SDHA: variants seen among roughly 807,000 people sequenced by gnomAD.
SDHA encodes the protein succinate dehydrogenase complex flavoprotein subunit A.
Under a neutral mutation model 78.4 loss-of-function variants are expected in SDHA, and 48 were observed. The observed-to-expected ratio is 0.61, with a 90% confidence interval of 0.49 to 0.78. SDHA has a LOEUF of 0.78. Among genes scored for constraint, SDHA ranks in the 30% least tolerant of loss-of-function variants. SDHA has a pLI of 0.00. For missense variants in SDHA, 680 were observed against 892.7 expected (o/e 0.76, Z 3.04); for synonymous variants, 326 against 353.9 (o/e 0.92, Z 0.88).
intron 14 of SDHA, among the ~76,000 whole-genome samples, chr5:255,796 T>A (rs922214465): frequency 6.6e-5 from 10 of 152,200 alleles, no homozygotes; most frequent in African/African-American, 2.2e-4. Context: ...AAATAAGAGC[T>A]CACTAACCAG....
intron 10 of SDHA, among the ~76,000 whole-genome samples, chr5:240,116 T>A (rs1736048129): frequency 6.6e-6 from 1 of 152,202 alleles, no homozygotes; most frequent in South Asian, 2.1e-4. Flanking sequence ...TTATTCACTC[T>A]AAGATCACTT....
At chr5:227,534 C>T (rs1342355071) in intron 5 of SDHA, 3 of 159,994 alleles carry the variant, frequency 1.9e-5, no homozygotes, top group Non-Finnish European at 4.1e-5. Context: ...AGTGCATCGA[C>T]AAGTGTGTGG....
downstream of SDHA, among the ~76,000 whole-genome samples, chr5:257,288 G>A (rs1737263048): frequency 6.6e-6 from 1 of 152,166 alleles, no homozygotes; most frequent in Admixed American, 6.5e-5. Flanking sequence ...CCGCACAGTA[G>A]GAGGTGAGCA....
chr5:251,601 C>G (rs765511736), intron 13 of SDHA, 133 bp downstream of exon 13: 37 of 1,550,242 alleles, frequency 2.4e-5, no homozygotes, highest in Non-Finnish European at 3.0e-5. Context: ...CTTTTTCCCC[C>G]CTGGTAACTT....
Position 235,252 on chromosome 5 carries a change from T to C in SDHA, c.1173T>C (p.Ala391=), listed in dbSNP as rs1579406627. 3 of 1,614,078 alleles carry C rather than the reference T, an allele frequency of 1.9e-6. No homozygotes were observed. Among genetic ancestry groups the C allele is most frequent in the South Asian group, 1.1e-5 (1 of 91,084 alleles). ...PGISETAMIF[A]GVDVTKEPIP... Reference sequence around the variant, plus strand: ...TTTCAGAGACAGCCATGATCTTCGCTGGCGTGGACGTCACGAAGGAGCCGA... The same window carrying C: ...TTTCAGAGACAGCCATGATCTTCGCCGGCGTGGACGTCACGAAGGAGCCGA... The change falls in exon 9 of 15, where the codon GCT becomes GCC. Residue 391 remains alanine (A), a synonymous_variant. Transcript: ENST00000264932.
chr5:230,931 G>A lies in SDHA; in HGVS notation c.826G>A (p.Gly276Ser), dbSNP rs751008647. The A allele has an allele frequency of 1.2e-5, 19 of 1,613,974 alleles. No homozygotes were observed. The highest frequency in any genetic ancestry group is 4.0e-5 in the African/African-American group (3 of 74,926). ...CTSAHTSTGD[G>S]TAMITRAGLP... The stretch of plus-strand genomic sequence containing the variant: ...GTCTGCCCACACCAGCACTGGCGAC[G>A]GCACGGCCATGATCACCAGGGCAGG... Residue 276 changes from glycine (G) to serine (S), a missense_variant, in exon 7 of 15, where the codon GGC (glycine) becomes AGC (serine). Coordinates refer to ENST00000264932, the MANE Select transcript of SDHA (RefSeq NM_004168.4).
chr5:254,646 A>C lies in SDHA; in HGVS notation c.1908+140A>C, dbSNP rs1579445749. Reference sequence around the variant, plus strand: ...CCCGACAGATTCGAGGCACCGCTGAAAAAGGCACTCCGACAGCAGTCGGGC... The same window carrying C: ...CCCGACAGATTCGAGGCACCGCTGACAAAGGCACTCCGACAGCAGTCGGGC... On this transcript the variant is annotated intron_variant, in intron 14 of 14. Coordinates refer to ENST00000264932, the MANE Select transcript of SDHA (RefSeq NM_004168.4). 3.6e-6 allele frequency: 5 copies of C among 1,391,790 alleles called. 1 individual carries two copies. In the Admixed American group the frequency reaches 1.0e-4, roughly 28 times the overall value. 86.2% of individuals were successfully genotyped at this position (1,391,790 alleles called of 1,614,324 possible). A position where few individuals can be genotyped will look rare whatever the true frequency, so the allele number is the denominator to read the frequency against.
intron 11 of SDHA, among the ~76,000 whole-genome samples, chr5:245,447 G>C (rs1191151055): frequency 6.6e-6 from 1 of 152,198 alleles, no homozygotes; most frequent in Non-Finnish European, 1.5e-5. Context: ...AAAGTGTTGC[G>C]ACAAGGCATG....
At chr5:242,641 C>G (rs1216743648) in intron 11 of SDHA, among the ~76,000 whole-genome samples, 1 of 152,130 alleles carries the variant, frequency 6.6e-6, no homozygotes, top group Admixed American at 6.5e-5. Context: ...CATGACCGAG[C>G]TGGTCTCGGC....
intron 6 of SDHA, 123 bp from the exon 7 acceptor site, chr5:230,753 G>A: frequency 7.7e-7 from 1 of 1,306,104 alleles, no homozygotes; most frequent in Non-Finnish European, 1.1e-6. Flanking sequence ...TGAGTAGGGG[G>A]TTGTGTGTGC....
At chr5:262,444 C>T in the SDHA span, among the ~76,000 whole-genome samples, 7 of 152,110 alleles carry the variant, frequency 4.6e-5, no homozygotes, top group Non-Finnish European at 1.0e-4. Flanking sequence ...GCTCCGCCTC[C>T]TGCCAGATCA....
intron 11 of SDHA, among the ~76,000 whole-genome samples, chr5:248,722 G>A (rs564595331): frequency 4.6e-5 from 7 of 152,262 alleles, no homozygotes; most frequent in East Asian, 1.9e-4. Context: ...TGCTGGCAAC[G>A]ATTCCTATGG....
chr5:252,966 A>G (rs913236968), intron 13 of SDHA: 2 of 152,614 alleles, frequency 1.3e-5, no homozygotes, highest in African/African-American at 4.8e-5. Context: ...GGAGTAAGCC[A>G]CCATTTCAGA....
rs777306884 is a variant in SDHA, at chr5:235,321, C to T, written c.1242C>T (p.Pro414=). The T allele has an allele frequency of 4.6e-5, 74 of 1,614,102 alleles. No homozygotes were observed. The highest frequency in any genetic ancestry group is 6.1e-5 in the Non-Finnish European group (72 of 1,180,040). The change falls in exon 9 of 15, where the codon CCC becomes CCT. Residue 414 remains proline, a synonymous_variant. Transcript: ENST00000264932. ...PTVHYNMGGI[P]TNYKGQVLRH... Reference sequence around the variant, plus strand: ...TGCATTATAACATGGGCGGCATTCCCACCAACTACAAGGGGCAGGTGATGG... The same window carrying T: ...TGCATTATAACATGGGCGGCATTCCTACCAACTACAAGGGGCAGGTGATGG...
rs80207011 is a variant in SDHA at position 223,564 on chromosome 5, A to G, written c.146A>G (p.Asp49Gly). Residue 49 changes from aspartate to glycine, a missense_variant, in exon 2 of 15, where the codon GAT becomes GGT. Transcript: ENST00000264932. ...GNKRASAKVS[D>G]SISAQYPVVD... ...AAGAGGGCATCTGCTAAAGTTTCAG[A>G]TTCCGTAAGTTCATGCTTTTTGTTC... 5.0e-4 allele frequency: 800 copies of G among 1,611,450 alleles called. 4 individuals carry two copies. In the African/African-American group the frequency reaches 9.9e-3, roughly 20 times the overall value.
chr5:244,218 A>G (rs1736311701), intron 11 of SDHA, among the ~76,000 whole-genome samples: 1 of 151,700 alleles, frequency 6.6e-6, no homozygotes, highest in Admixed American at 6.6e-5. Context: ...TATGCTGCAC[A>G]GTAGCTGTGA....
intron 1 of SDHA, among the ~76,000 whole-genome samples, chr5:222,370 C>T (rs1412067676): frequency 2.9e-5 from 4 of 136,144 alleles, no homozygotes; most frequent in Admixed American, 2.3e-4. Context: ...TTTTTGGAGA[C>T]GTTGTCTCTC....
intron 8 of SDHA, chr5:234,810 C>T: frequency 2.8e-6 from 1 of 363,154 alleles, no homozygotes; most frequent in Non-Finnish European, 5.3e-6. Flanking sequence ...ACCCAACCTG[C>T]CACGGATACG....
Position 256,531 on chromosome 5 carries a change from G to A in SDHA, c.*111G>A, listed in dbSNP as rs562261483. ...TACGCTTCTGCACTCTGGGGAAGAA[G>A]GAGTACATTGAAGGGAGATTGGCAC... On this transcript the variant is annotated 3_prime_UTR_variant, in exon 15 of 15. Transcript: ENST00000264932. 37 of 1,006,824 alleles carry A rather than the reference G, an allele frequency of 3.7e-5. No homozygotes were observed. In the East Asian group the frequency reaches 5.8e-4, roughly 16 times the overall value. 62.4% of individuals were successfully genotyped at this position (1,006,824 alleles called of 1,614,324 possible).
Sources: allele counts gnomAD v4.1 joint callset (sites outside exome capture counted in the v4.1 genomes callset), GRCh38; gene constraint gnomAD v4.1.1; transcripts MANE v1.5; gene names NCBI Gene and HGNC (gene_info 2026-07-23, HGNC 2026-07-21).